The following ZBTB16 variants were observed in gnomAD, a reference collection of about 807,000 sequenced individuals.
ZBTB16 encodes zinc finger and BTB domain-containing protein 16.
Under a neutral mutation model 56.8 loss-of-function variants are expected in ZBTB16, and 8 were observed. That is an observed-to-expected ratio of 0.14 (90% confidence interval 0.08 to 0.25). The LOEUF (loss-of-function observed/expected upper bound fraction) is 0.25, where lower values mean the gene tolerates loss of function less well. Among genes scored for constraint, ZBTB16 ranks in the 10% least tolerant of loss-of-function variants. The probability of loss-of-function intolerance (pLI) is 1.00; values close to 1 mark genes in which losing one functional copy is unlikely to be tolerated. For synonymous variants in ZBTB16, 363 were observed against 368.5 expected, an observed-to-expected ratio of 0.98 and a Z score of 0.17; for missense variants, 625 against 903.0, an observed-to-expected ratio of 0.69 and a Z score of 3.95.
chr11:114,132,382 G>A (rs1941687518), intron 2 of ZBTB16, among the ~76,000 whole-genome samples: 1 of 152,224 alleles, frequency 6.6e-6, no homozygotes, highest in Non-Finnish European at 1.5e-5. Flanking sequence ...ACAAAGGGCA[G>A]CCATGCAGCC....
At chr11:114,128,353 A>G (rs948042996) in intron 2 of ZBTB16, among the ~76,000 whole-genome samples, 6 of 152,148 alleles carry the variant, frequency 3.9e-5, no homozygotes, top group Non-Finnish European at 7.4e-5. Context: ...ACAGCCACCC[A>G]CTACTTCTGC....
At chr11:114,210,656 C>T (rs527285248) in intron 4 of ZBTB16, 7 of 209,702 alleles carry the variant, frequency 3.3e-5, no homozygotes, top group Non-Finnish European at 6.4e-5. Context: ...CCCTGTTTGC[C>T]GGGGCTAGTT....
chr11:114,164,713 C>T (rs1307814239), intron 3 of ZBTB16, among the ~76,000 whole-genome samples: 2 of 152,216 alleles, frequency 1.3e-5, no homozygotes, highest in Non-Finnish European at 2.9e-5. Flanking sequence ...AGCCCTCTAA[C>T]CAGGCTGGGC....
chr11:114,077,571 C>T (rs777135826), intron 2 of ZBTB16, among the ~76,000 whole-genome samples: 31 of 152,176 alleles, frequency 2.0e-4, no homozygotes, highest in Non-Finnish European at 3.7e-4. Context: ...GAACTAAGCA[C>T]GTTCCAGTGG....
intron 3 of ZBTB16, among the ~76,000 whole-genome samples, chr11:114,184,393 G>A (rs546268847): frequency 6.6e-6 from 1 of 152,322 alleles, no homozygotes; most frequent in Non-Finnish European, 1.5e-5. Flanking sequence ...TAGAAAAGTA[G>A]TGGAGTCATT....
chr11:114,210,104 T>C lies in ZBTB16; in HGVS notation c.1453+23066T>C, dbSNP rs1052665287. 1.1e-5 allele frequency: 3 copies of C among 261,688 alleles called. 1 individual carries two copies. The highest frequency in any genetic ancestry group is 1.8e-5 in the Non-Finnish European group (3 of 168,286). 16.2% of individuals were successfully genotyped at this position (261,688 alleles called of 1,614,324 possible). On this transcript the variant is annotated intron_variant, in intron 4 of 6. Coordinates refer to ENST00000335953, the MANE Select transcript of ZBTB16 (RefSeq NM_006006.6). The stretch of plus-strand genomic sequence containing the variant: ...GATGAAGGAGGTGTACTCTGCACTC[T>C]GTGAAACATTGCAAATGTGCGGGTT...
chr11:114,169,443 C>T (rs1319812798), intron 3 of ZBTB16, among the ~76,000 whole-genome samples: 2 of 152,096 alleles, frequency 1.3e-5, no homozygotes, highest in Non-Finnish European at 2.9e-5. Flanking sequence ...AGCGAAACAT[C>T]AGCCAAATGG....
intron 3 of ZBTB16, among the ~76,000 whole-genome samples, chr11:114,167,230 TGG>T (rs748573864): frequency 0.11 from 1,286 of 11,500 alleles, 63 homozygotes; most frequent in African/African-American, 0.16. Context: ...TTTTTTTTTT[TGG>T]TTTTTTTTTT....
At chr11:114,166,130 T>C (rs963280066) in intron 3 of ZBTB16, among the ~76,000 whole-genome samples, 2 of 151,908 alleles carry the variant, frequency 1.3e-5, no homozygotes, top group African/African-American at 4.8e-5. Flanking sequence ...ACTGCCTAGG[T>C]CTGTGGCTGT....
At chr11:114,234,735 C>G (rs1944526742) in intron 4 of ZBTB16, among the ~76,000 whole-genome samples, 1 of 152,222 alleles carries the variant, frequency 6.6e-6, no homozygotes, top group African/African-American at 2.4e-5. Context: ...TTCCTCACCC[C>G]ACCCCAGCCT....
intron 2 of ZBTB16, among the ~76,000 whole-genome samples, chr11:114,112,050 G>A (rs763361030): frequency 3.9e-5 from 6 of 152,052 alleles, no homozygotes; most frequent in Non-Finnish European, 8.8e-5. Flanking sequence ...TATGTAAAAG[G>A]TTGTAAATAA....
chr11:114,235,695 C>CTTTCT (rs1944565574), intron 4 of ZBTB16, among the ~76,000 whole-genome samples: 3 of 92,168 alleles, frequency 3.3e-5, no homozygotes, highest in Non-Finnish European at 6.7e-5. Flanking sequence ...TCTTTCTTTT[C>CTTTCT]TTTCTTTCTT....
downstream of ZBTB16, among the ~76,000 whole-genome samples, chr11:114,256,768 C>A (rs558672050): frequency 5.9e-5 from 9 of 152,322 alleles, no homozygotes; most frequent in Admixed American, 5.9e-4. Context: ...CCACAACACT[C>A]AATGGGTACG....
chr11:114,119,103 A>C (rs1941261973), intron 2 of ZBTB16, among the ~76,000 whole-genome samples: 1 of 151,798 alleles, frequency 6.6e-6, no homozygotes, highest in Non-Finnish European at 1.5e-5. Context: ...TGTCTCTACT[A>C]AAAATACAAA....
chr11:114,063,506 A>G lies in ZBTB16; in HGVS notation c.206A>G (p.His69Arg), dbSNP rs746642393. Residue 69 changes from histidine to arginine, a missense_variant, in exon 2 of 7, where the codon CAC becomes CGC. This residue lies in a region of ZBTB16 where 54 missense variants were observed against 159.4 expected (regional missense o/e 0.34). Transcript: ENST00000335953. The surrounding 1 kb of genome is among the most constrained non-coding windows in gnomAD (Gnocchi z 6.5). ...FEILFHRNSQ[H>R]YTLDFLSPKT... The stretch of plus-strand genomic sequence containing the variant: ...ATCCTCTTCCACCGCAATAGTCAAC[A>G]CTATACTTTGGACTTCCTCTCGCCA... The G allele has an allele frequency of 1.2e-5, 20 of 1,614,194 alleles. No homozygotes were observed. The South Asian group carries it at 2.0e-4, about 16-fold the overall frequency.
At chr11:114,135,135 A>C (rs965709142) in intron 2 of ZBTB16, among the ~76,000 whole-genome samples, 1 of 152,224 alleles carries the variant, frequency 6.6e-6, no homozygotes, top group African/African-American at 2.4e-5. Flanking sequence ...GGGGGGAACT[A>C]TACATTCCAG....
intron 2 of ZBTB16, among the ~76,000 whole-genome samples, chr11:114,121,483 G>A (rs569124018): frequency 3.0e-4 from 45 of 152,270 alleles, no homozygotes; most frequent in African/African-American, 1.1e-3. Flanking sequence ...TTATTCTCAT[G>A]CCTGGTTCTT....
intron 4 of ZBTB16, among the ~76,000 whole-genome samples, chr11:114,228,533 G>T (rs982563575): frequency 1.3e-5 from 2 of 152,192 alleles, no homozygotes; most frequent in African/African-American, 4.8e-5. Flanking sequence ...CAGCTTAGGG[G>T]TTCCGTGGAC....
intron 2 of ZBTB16, among the ~76,000 whole-genome samples, chr11:114,150,466 C>G (rs1218262535): frequency 6.6e-6 from 1 of 152,112 alleles, no homozygotes; most frequent in African/African-American, 2.4e-5. Flanking sequence ...AAGACCTCGT[C>G]TCTATTAAAA....
Sources: gnomAD v4.1 joint callset for allele counts (sites outside exome capture counted in the v4.1 genomes callset) on GRCh38, gnomAD v4.1.1 for gene constraint, gnomAD v4.1.1 regional missense constraint, Gnocchi (gnomAD v3.1) non-coding constraint, MANE v1.5 for transcripts, NCBI Gene and HGNC (gene_info 2026-07-23, HGNC 2026-07-21) for gene names.